Variants in HIPK3 observed in about 807,000 individuals in gnomAD.
The protein encoded by HIPK3 is homeodomain-interacting protein kinase 3.
A neutral mutation model predicts 124.2 loss-of-function variants in HIPK3; 47 were observed. The observed-to-expected ratio is 0.38, with a 90% CI of 0.30 to 0.48. The LOEUF (loss-of-function observed/expected upper bound fraction) is 0.48. Among genes scored for constraint, HIPK3 ranks in the 20% least tolerant of loss-of-function variants. HIPK3 has a pLI of 0.98. For synonymous variants in HIPK3, 482 were observed against 515.2 expected (o/e 0.94, Z 0.87); for missense variants, 1,286 against 1,454.3 (o/e 0.88, Z 1.88).
intron 2 of HIPK3, among the ~76,000 whole-genome samples, chr11:33,294,409 C>T (rs959855309): frequency 6.6e-6 from 1 of 151,950 alleles, no homozygotes; most frequent in Non-Finnish European, 1.5e-5. Flanking sequence ...TTTACACACC[C>T]ACACACCCAC....
intron 1 of HIPK3, among the ~76,000 whole-genome samples, chr11:33,266,353 G>A (rs1482498518): frequency 6.6e-6 from 1 of 151,880 alleles, no homozygotes; most frequent in Non-Finnish European, 1.5e-5. Flanking sequence ...TAAAATAGTA[G>A]CATTCATGTT....
At chr11:33,334,218 A>G (rs1853071317) in intron 3 of HIPK3, among the ~76,000 whole-genome samples, 1 of 152,180 alleles carries the variant, frequency 6.6e-6, no homozygotes, top group Non-Finnish European at 1.5e-5. Context: ...ATAATTATAA[A>G]TGCATGTTCT....
At chr11:33,272,896 A>G (rs1851172836) in intron 1 of HIPK3, among the ~76,000 whole-genome samples, 4 of 138,740 alleles carry the variant, frequency 2.9e-5, no homozygotes, top group Admixed American at 7.5e-5. Context: ...CCCAGGCTAG[A>G]GTGCAGTGGT....
At position 33,353,450 on chromosome 11, in the gene HIPK3, C is replaced by G; in HGVS notation, c.3530C>G (p.Thr1177Ser). The change falls in exon 17 of 17, where the codon ACC becomes AGC. Residue 1177 changes from threonine (T) to serine (S), a missense_variant. Coordinates refer to ENST00000303296, the MANE Select transcript of HIPK3 (RefSeq NM_005734.5). ...AATCCCCGTCTGTTACCATCCCCAA[C>G]CATTCATCAGACTCAGTACAAACCA... ...GLNPRLLPSPTIHQTQYKPIF... is the reference protein window; with the variant it reads ...GLNPRLLPSPSIHQTQYKPIF... 1 of 1,613,790 alleles carries G rather than the reference C, an allele frequency of 6.2e-7. No individual in the cohort carries two copies. Among genetic ancestry groups the G allele is most frequent in the South Asian group, 1.1e-5 (1 of 91,072 alleles).
intron 2 of HIPK3, among the ~76,000 whole-genome samples, chr11:33,323,750 C>G (rs982410493): frequency 1.3e-5 from 2 of 152,142 alleles, no homozygotes; most frequent in Non-Finnish European, 2.9e-5. Context: ...ATAAATTCAA[C>G]TAAAAGCACA....
At position 33,271,353 on chromosome 11, in the gene HIPK3, T is replaced by G. The variant is rs1341066969; in HGVS notation, c.-3+13464T>G. Among the ~76,000 whole-genome samples the G allele has an allele frequency of 2.0e-5, 3 of 152,270 alleles. No individual in the cohort carries two copies. The East Asian group carries it at 5.8e-4, about 29-fold the overall frequency. ...CTTTGAGAGGCCAAGGTGGGCACAT[T>G]GCTTGAGCCCAAGAGTTTGAGACCA... On this transcript the variant is annotated intron_variant, in intron 1 of 16. Coordinates refer to ENST00000303296, the MANE Select transcript of HIPK3 (RefSeq NM_005734.5).
intron 2 of HIPK3, among the ~76,000 whole-genome samples, chr11:33,288,587 G>C (rs906866590): frequency 6.6e-6 from 1 of 152,062 alleles, no homozygotes; most frequent in African/African-American, 2.4e-5. Flanking sequence ...CTTGCTTCTT[G>C]GGGGAAGTTA....
At chr11:33,335,154 A>G (rs1235219879) in intron 3 of HIPK3, among the ~76,000 whole-genome samples, 1 of 152,166 alleles carries the variant, frequency 6.6e-6, no homozygotes, top group African/African-American at 2.4e-5. Context: ...AGTTTAGGAT[A>G]TATTCAGTTG....
At chr11:33,312,930 A>C (rs1852394233) in intron 2 of HIPK3, among the ~76,000 whole-genome samples, 1 of 152,224 alleles carries the variant, frequency 6.6e-6, no homozygotes, top group South Asian at 2.1e-4. Flanking sequence ...TGAGTTTGTA[A>C]GTAATTGCCA....
At chr11:33,268,954 A>T (rs913622417) in intron 1 of HIPK3, among the ~76,000 whole-genome samples, 1 of 152,234 alleles carries the variant, frequency 6.6e-6, no homozygotes, top group African/African-American at 2.4e-5. Flanking sequence ...TTCATTTAAA[A>T]ATATGAAATC....
chr11:33,332,256 A>G (rs1172603972), intron 3 of HIPK3, among the ~76,000 whole-genome samples: 1 of 152,024 alleles, frequency 6.6e-6, no homozygotes, highest in Non-Finnish European at 1.5e-5. Context: ...ATAATTTCAT[A>G]TTTTCTTGTA....
chr11:33,355,832 A>T lies in HIPK3; in HGVS notation c.*2264A>T, dbSNP rs1447603194. The T allele has an allele frequency of 1.3e-5, 2 of 151,484 alleles. No homozygotes were observed. Among genetic ancestry groups the T allele is most frequent in the Non-Finnish European group, 3.0e-5 (2 of 67,750 alleles). 9.4% of individuals were successfully genotyped at this position (151,484 alleles called of 1,614,324 possible). ...ATTCTATGCATTTTATACAAATAGAAATATATATATATAAAAAATTAAATG... is the reference window on the plus strand; with the variant it reads ...ATTCTATGCATTTTATACAAATAGATATATATATATATAAAAAATTAAATG... On this transcript the variant is annotated 3_prime_UTR_variant, in exon 17 of 17. Transcript: ENST00000303296.
At chr11:33,284,059 A>G (rs534257854) in intron 1 of HIPK3, among the ~76,000 whole-genome samples, 47 of 152,236 alleles carry the variant, frequency 3.1e-4, no homozygotes, top group South Asian at 1.2e-3. Flanking sequence ...ACTGTTGCAT[A>G]GTAAGTGCTC....
chr11:33,278,451 CTG>C (rs938036272), intron 1 of HIPK3, among the ~76,000 whole-genome samples: 1 of 152,044 alleles, frequency 6.6e-6, no homozygotes, highest in African/African-American at 2.4e-5. Flanking sequence ...AAAGAGAAAA[CTG>C]TGAGAAATAA....
At position 33,353,193 on chromosome 11, in the gene HIPK3, T is replaced by C. The variant is rs770469044; in HGVS notation, c.3273T>C (p.Thr1091=). The C allele has an allele frequency of 5.0e-6, 8 of 1,613,738 alleles. No individual in the cohort carries two copies. In the South Asian group the frequency reaches 6.6e-5, roughly 13 times the overall value. ...IPTSVTSNPF[T]LSHGSPNHTA... The stretch of plus-strand genomic sequence containing the variant: ...CTAGTGTTACCAGTAATCCATTCAC[T>C]CTTTCTCATGGAAGTCCCAATCACA... The change falls in exon 17 of 17, where the codon ACT becomes ACC. Residue 1091 remains threonine, a synonymous_variant. Transcript: ENST00000303296.
chr11:33,345,265 G>A (rs1044625312), intron 8 of HIPK3, among the ~76,000 whole-genome samples: 3 of 151,944 alleles, frequency 2.0e-5, no homozygotes, highest in Non-Finnish European at 2.9e-5. Flanking sequence ...GAAAAGTTAG[G>A]TATTCATCCC....
At chr11:33,315,395 T>G (rs1852470560) in intron 2 of HIPK3, among the ~76,000 whole-genome samples, 1 of 151,996 alleles carries the variant, frequency 6.6e-6, no homozygotes, top group Non-Finnish European at 1.5e-5. Flanking sequence ...CCTGCCTAAT[T>G]TTTGTATTTT....
chr11:33,341,476 A>G, intron 7 of HIPK3, 87 bp from the exon 8 acceptor site: 2 of 1,245,248 alleles, frequency 1.6e-6, no homozygotes, highest in Middle Eastern at 2.0e-4. Context: ...TAGAATTATG[A>G]TCTTAAGAAA....
At chr11:33,304,116 A>AT (rs1852083881) in intron 2 of HIPK3, among the ~76,000 whole-genome samples, 4 of 152,056 alleles carry the variant, frequency 2.6e-5, no homozygotes, top group African/African-American at 9.6e-5. Context: ...AATTTTTTGT[A>AT]TTTTAGTAGA....
Sources: allele counts gnomAD v4.1 joint callset (sites outside exome capture counted in the v4.1 genomes callset), GRCh38; gene constraint gnomAD v4.1.1; transcripts MANE v1.5; gene names NCBI Gene and HGNC (gene_info 2026-07-23, HGNC 2026-07-21).